Variants in IL1RAPL2 observed in about 807,000 individuals in gnomAD.
IL1RAPL2 encodes the protein X-linked interleukin-1 receptor accessory protein-like 2.
A neutral mutation model predicts 44.1 loss-of-function variants in IL1RAPL2; 3 were observed. The ratio of observed to expected loss-of-function variants is 0.07; its 90% CI spans 0.03 to 0.18. The LOEUF is 0.18. Ranked by LOEUF, IL1RAPL2 falls within the 10% of genes least tolerant of loss-of-function variation. The pLI, the probability that IL1RAPL2 is intolerant of heterozygous loss-of-function variation, is 1.00. For missense variants in IL1RAPL2, 391 were observed against 496.4 expected (o/e 0.79, Z 2.02); for synonymous variants, 181 against 178.8 (o/e 1.01, Z -0.10).
chrX:105,430,223 C>A (rs1456381067), intron 5 of IL1RAPL2, among the ~76,000 whole-genome samples: 1 of 111,501 alleles, frequency 9.0e-6, no homozygotes, highest in East Asian at 2.8e-4. Flanking sequence ...AGAACAAGGA[C>A]AAAACATACC....
At chrX:104,682,711 C>G (rs900022614) in intron 2 of IL1RAPL2, among the ~76,000 whole-genome samples, 2 of 111,611 alleles carry the variant, frequency 1.8e-5, no homozygotes, top group African/African-American at 6.5e-5. Context: ...TTGGAAGAAG[C>G]TAGAAGAAGC....
At chrX:104,653,525 A>G (rs1930192674) in intron 1 of IL1RAPL2, among the ~76,000 whole-genome samples, 1 of 111,288 alleles carries the variant, frequency 9.0e-6, no homozygotes, top group African/African-American at 3.3e-5. Context: ...CCTTGTCAAA[A>G]CGTAGCCTTC....
chrX:104,657,918 T>A (rs950903018), intron 1 of IL1RAPL2, among the ~76,000 whole-genome samples: 1 of 112,225 alleles, frequency 8.9e-6, no homozygotes, highest in Non-Finnish European at 1.9e-5. Context: ...CACAATGAGA[T>A]ACCATCTCAC....
intron 6 of IL1RAPL2, among the ~76,000 whole-genome samples, chrX:105,702,238 C>A (rs1006168228): frequency 2.7e-5 from 3 of 111,162 alleles, no homozygotes; most frequent in Admixed American, 9.6e-5. Flanking sequence ...CCCTGGCATT[C>A]CTGTTGTGAA....
rs985160963 is a variant in IL1RAPL2 at position 104,906,223 on chromosome X, G to T, written c.82+247228G>T. The stretch of plus-strand genomic sequence containing the variant: ...TTTTGGGCTGAGACAATGGGGTTTT[G>T]TAGATATACAATCATGTCATCTGCA... On this transcript the variant is annotated intron_variant, in intron 2 of 10. Transcript: ENST00000372582. Among the ~76,000 whole-genome samples the T allele has an allele frequency of 1.3e-4, 14 of 111,464 alleles. No homozygotes were observed. The South Asian group carries it at 2.3e-3, about 18-fold the overall frequency.
intron 5 of IL1RAPL2, among the ~76,000 whole-genome samples, chrX:105,353,212 G>C (rs1036606542): frequency 1.8e-5 from 2 of 111,218 alleles, no homozygotes; most frequent in Non-Finnish European, 3.8e-5. Context: ...TCTTGTTTTT[G>C]TCAGGTTTGT....
chrX:104,865,510 G>A (rs1235632358), intron 2 of IL1RAPL2, among the ~76,000 whole-genome samples: 1 of 111,512 alleles, frequency 9.0e-6, no homozygotes, highest in East Asian at 2.8e-4. Flanking sequence ...AGGATGCAAA[G>A]TATTGTTCCT....
At chrX:105,321,069 G>A (rs941795040) in intron 5 of IL1RAPL2, among the ~76,000 whole-genome samples, 1 of 111,792 alleles carries the variant, frequency 8.9e-6, no homozygotes, top group Non-Finnish European at 1.9e-5. Context: ...GACCTCTCCT[G>A]TGGCTATGGG....
intron 5 of IL1RAPL2, among the ~76,000 whole-genome samples, chrX:105,291,789 T>G (rs113469655): frequency 0.014 from 1,560 of 111,686 alleles, 36 homozygotes; most frequent in African/African-American, 0.047. Context: ...TTTCATGGGT[T>G]CTACAAGTTC....
intron 5 of IL1RAPL2, among the ~76,000 whole-genome samples, chrX:105,347,644 C>T (rs1237430132): frequency 2.7e-5 from 3 of 110,157 alleles, no homozygotes; most frequent in Admixed American, 9.9e-5. Flanking sequence ...TACCTGGTTA[C>T]GGTTGGTCAT....
intron 7 of IL1RAPL2, among the ~76,000 whole-genome samples, chrX:105,739,661 C>G (rs1440105039): frequency 9.3e-6 from 1 of 107,618 alleles, no homozygotes; most frequent in Non-Finnish European, 1.9e-5. Context: ...ATCCATGTCC[C>G]TGCAAAGGAC....
At chrX:104,851,237 C>A (rs1922217679) in intron 2 of IL1RAPL2, among the ~76,000 whole-genome samples, 2 of 111,564 alleles carry the variant, frequency 1.8e-5, no homozygotes, top group African/African-American at 3.3e-5. Context: ...GTAACCAAAC[C>A]AAAATGACAC....
chrX:104,572,042 T>C (rs1024386249), intron 1 of IL1RAPL2, among the ~76,000 whole-genome samples: 5 of 112,344 alleles, frequency 4.5e-5, no homozygotes. Context: ...ATCTAGATCA[T>C]TGTATTATGT....
At chrX:105,683,622 TA>T (rs915526883) in intron 6 of IL1RAPL2, among the ~76,000 whole-genome samples, 1 of 108,938 alleles carries the variant, frequency 9.2e-6, no homozygotes, top group African/African-American at 3.3e-5. Flanking sequence ...AAAAACAGAA[TA>T]AAAAAAAACT....
At chrX:104,945,428 A>G (rs184577562) in intron 2 of IL1RAPL2, among the ~76,000 whole-genome samples, 45 of 111,203 alleles carry the variant, frequency 4.0e-4, no homozygotes, top group African/African-American at 1.4e-3. Flanking sequence ...CAAAGGTTTC[A>G]TAAGATAGAA....
intron 5 of IL1RAPL2, among the ~76,000 whole-genome samples, chrX:105,382,829 T>G (rs2035445092): frequency 9.3e-6 from 1 of 107,714 alleles, no homozygotes; most frequent in South Asian, 4.1e-4. Flanking sequence ...GGGACATGGA[T>G]GAAGCTGGAA....
intron 5 of IL1RAPL2, among the ~76,000 whole-genome samples, chrX:105,356,488 A>G (rs1411396462): frequency 9.0e-6 from 1 of 111,589 alleles, no homozygotes; most frequent in Non-Finnish European, 1.9e-5. Flanking sequence ...TAAGGCAGGA[A>G]GCTTCTTTTC....
Position 105,666,607 on chromosome X carries a change from T to G in IL1RAPL2, c.773-50760T>G, listed in dbSNP as rs189322368. On this transcript the variant is annotated intron_variant, in intron 6 of 10. Coordinates refer to ENST00000372582, the MANE Select transcript of IL1RAPL2 (RefSeq NM_017416.2). ...GCAAGATATTAATCAGCAGTAACAG[T>G]TGCAGCAAAAGCTGGTTACAAACAA... 2.9e-4 allele frequency among the ~76,000 whole-genome samples: 32 copies of G among 111,931 alleles called. No homozygotes were observed. The East Asian group carries it at 9.0e-3, about 32-fold the overall frequency.
intron 6 of IL1RAPL2, among the ~76,000 whole-genome samples, chrX:105,502,546 C>T (rs1247204559): frequency 9.0e-6 from 1 of 110,813 alleles, no homozygotes; most frequent in Non-Finnish European, 1.9e-5. Flanking sequence ...TGGAAGGTAT[C>T]GTTATTATTA....
Sources: gnomAD v4.1 joint callset for allele counts (sites outside exome capture counted in the v4.1 genomes callset) on GRCh38, gnomAD v4.1.1 for gene constraint, MANE v1.5 for transcripts, NCBI Gene and HGNC (gene_info 2026-07-23, HGNC 2026-07-21) for gene names.